The following CLEC17A variants were observed in gnomAD, a reference collection of about 807,000 sequenced individuals.
The protein encoded by CLEC17A is C-type lectin domain containing 17A.
CLEC17A carries 37 observed loss-of-function variants against 61.3 expected under a neutral mutation model. That is an observed-to-expected ratio of 0.60 (90% CI 0.46 to 0.79). The LOEUF is 0.79. CLEC17A is among the 30% of genes least tolerant of loss of function. The pLI, the probability that CLEC17A is intolerant of heterozygous loss-of-function variation, is 0.00. For synonymous variants in CLEC17A, 168 were observed against 164.9 expected, an observed-to-expected ratio of 1.02 and a Z score of -0.14; for missense variants, 418 against 464.7, an observed-to-expected ratio of 0.90 and a Z score of 0.92.
chr19:14,598,543 A>G (rs992075759), intron 10 of CLEC17A, among the ~76,000 whole-genome samples: 2 of 151,608 alleles, frequency 1.3e-5, no homozygotes, highest in Non-Finnish European at 2.9e-5. Context: ...GCGCGATCTC[A>G]GCTCACTGCA....
intron 3 of CLEC17A, among the ~76,000 whole-genome samples, chr19:14,590,862 AT>A (rs74183400): frequency 3.6e-3 from 488 of 135,168 alleles, no homozygotes; most frequent in East Asian, 0.014. Context: ...GTTTTTTCTA[AT>A]TTTTTTTTTT....
chr19:14,606,691 A>T (rs1244105499), intron 12 of CLEC17A, among the ~76,000 whole-genome samples: 1 of 151,946 alleles, frequency 6.6e-6, no homozygotes, highest in Non-Finnish European at 1.5e-5. Flanking sequence ...AAAAAAAAAA[A>T]AAAAAAGTTA....
chr19:14,595,450 G>A, intron 8 of CLEC17A, 135 bp downstream of exon 8: 1 of 922,056 alleles, frequency 1.1e-6, no homozygotes, highest in Non-Finnish European at 1.7e-6. Context: ...GCACTGTTCT[G>A]AGTTAGTCTA....
intron 8 of CLEC17A, 123 bp downstream of exon 8, chr19:14,595,438 C>A: frequency 1.9e-6 from 2 of 1,028,616 alleles, no homozygotes; most frequent in Non-Finnish European, 1.5e-6. Flanking sequence ...TCAGGACCTG[C>A]TGCACTGTTC....
At chr19:14,605,192 G>A (rs1303170030) in intron 12 of CLEC17A, among the ~76,000 whole-genome samples, 1 of 151,952 alleles carries the variant, frequency 6.6e-6, no homozygotes, top group Non-Finnish European at 1.5e-5. Flanking sequence ...CCACCTCCTG[G>A]TTTCAAGCAA....
intron 8 of CLEC17A, 21 bp downstream of exon 8, chr19:14,595,336 CCT>C: frequency 6.2e-7 from 1 of 1,613,536 alleles, no homozygotes; most frequent in South Asian, 1.1e-5. Flanking sequence ...TCCCATTTCC[CCT>C]CTGACAGTGG....
At chr19:14,591,407 G>T (rs1355891190) in intron 3 of CLEC17A, among the ~76,000 whole-genome samples, 1 of 151,370 alleles carries the variant, frequency 6.6e-6, no homozygotes, top group Non-Finnish European at 1.5e-5. Flanking sequence ...GACTGCCTCA[G>T]TCTCCCAAAG....
chr19:14,599,966 A>C lies in CLEC17A; in HGVS notation c.743-65A>C, dbSNP rs922243664. On this transcript the variant is annotated intron_variant, in intron 11 of 13. Coordinates refer to ENST00000417570, the MANE Select transcript of CLEC17A (RefSeq NM_001204118.2). ...CAGTGTACAGCCTGCACAACTGTACATGGCATACTATGTACATGGCTCAGG... is the reference window on the plus strand; with the variant it reads ...CAGTGTACAGCCTGCACAACTGTACCTGGCATACTATGTACATGGCTCAGG... The C allele has an allele frequency of 5.0e-6, 8 of 1,589,386 alleles. No homozygotes were observed. In the African/African-American group the frequency reaches 8.0e-5, roughly 16 times the overall value.
At chr19:14,606,060 T>C (rs1014729247) in intron 12 of CLEC17A, among the ~76,000 whole-genome samples, 4 of 152,066 alleles carry the variant, frequency 2.6e-5, no homozygotes, top group Admixed American at 2.6e-4. Context: ...ATACCAAAGC[T>C]AGGAAACCTA....
intron 8 of CLEC17A, among the ~76,000 whole-genome samples, chr19:14,595,749 G>C (rs1234201523): frequency 1.3e-5 from 2 of 152,072 alleles, no homozygotes; most frequent in Non-Finnish European, 2.9e-5. Context: ...GATAGTGATG[G>C]TGTTGTTGGT....
chr19:14,606,685 A>G (rs2074883132), intron 12 of CLEC17A, among the ~76,000 whole-genome samples: 1 of 151,910 alleles, frequency 6.6e-6, no homozygotes, highest in African/African-American at 2.4e-5. Context: ...CTCTCAAAAA[A>G]AAAAAAAAAA....
chr19:14,611,935 C>T lies in CLEC17A; in HGVS notation c.*1739C>T, dbSNP rs1288575320. 2.6e-5 allele frequency among the ~76,000 whole-genome samples: 4 copies of T among 152,114 alleles called. No homozygotes were observed. Among genetic ancestry groups the T allele is most frequent in the South Asian group, 2.1e-4 (1 of 4,830 alleles). ...ACGAGAATTGCTTGAACCCAGGAGG[C>T]GGAGGTTGCAGTGAGCCGAGATTGT... On this transcript the variant is annotated 3_prime_UTR_variant, in exon 14 of 14. Coordinates refer to ENST00000417570, the MANE Select transcript of CLEC17A (RefSeq NM_001204118.2).
chr19:14,607,782 G>A (rs2074937811), intron 13 of CLEC17A, among the ~76,000 whole-genome samples: 1 of 150,928 alleles, frequency 6.6e-6, no homozygotes, highest in Non-Finnish European at 1.5e-5. Context: ...CACCATGTTG[G>A]CCAGGCTGGT....
intron 2 of CLEC17A, among the ~76,000 whole-genome samples, chr19:14,586,891 CTT>C (rs1056065617): frequency 0.032 from 3,881 of 121,612 alleles, 177 homozygotes; most frequent in African/African-American, 0.16. Flanking sequence ...TTCTTTCTTT[CTT>C]TTTTTTTTTT....
chr19:14,606,794 A>G (rs1185884935), intron 12 of CLEC17A, among the ~76,000 whole-genome samples, 199 bp from the exon 13 acceptor site: 2 of 152,202 alleles, frequency 1.3e-5, no homozygotes, highest in East Asian at 3.8e-4. Context: ...TGCATGAGAA[A>G]AAGTAGCACG....
At position 14,610,284 on chromosome 19, in the gene CLEC17A, G is replaced by C; in HGVS notation, c.*88G>C. 6.6e-7 allele frequency: 1 copy of C among 1,505,838 alleles called. No homozygotes were observed. The highest frequency in any genetic ancestry group is 2.0e-5 in the Admixed American group (1 of 49,466). The allele number at this position is 1,505,838 out of a possible 1,614,324, so 93.3% of individuals were successfully genotyped here. A position where few individuals can be genotyped will look rare whatever the true frequency, so the allele number is the denominator to read the frequency against. On this transcript the variant is annotated 3_prime_UTR_variant, in exon 14 of 14. Transcript: ENST00000417570. ...CTTTCGTGGACGGCCTTGCCTCTTC[G>C]TGAGTGGACACACAGATGTGCCTCA...
chr19:14,594,844 C>T, intron 7 of CLEC17A, 44 bp downstream of exon 7: 2 of 1,550,984 alleles, frequency 1.3e-6, no homozygotes, highest in Non-Finnish European at 1.8e-6. Flanking sequence ...GAGGGGATAC[C>T]TGGATGTTTC....
Position 14,599,761 on chromosome 19 carries a change from C to T in CLEC17A, c.691C>T (p.Arg231Cys), listed in dbSNP as rs375201326. The part of the protein sequence containing the change: ...GLAGLKHDIA[R>C]VRADTNQSLV... ...AGCTGGCCTGAAGCATGACATTGCCCGTGTAAGAGCTGACACCAACCAGTC... is the reference window on the plus strand; with the variant it reads ...AGCTGGCCTGAAGCATGACATTGCCTGTGTAAGAGCTGACACCAACCAGTC... The change falls in exon 11 of 14, where the codon CGT becomes TGT. Residue 231 changes from arginine to cysteine, a missense_variant. Physicochemically the swap from Arg to Cys is radical, Grantham distance 180. Transcript: ENST00000417570. The T allele has an allele frequency of 3.7e-6, 6 of 1,613,882 alleles. No homozygotes were observed. Among genetic ancestry groups the T allele is most frequent in the East Asian group, 2.2e-5 (1 of 44,876 alleles).
Position 14,594,774 on chromosome 19 carries a change from C to T in CLEC17A, c.377C>T (p.Ala126Val). The part of the protein sequence containing the change: ...PRNMTGLDLA[A>V]VTCPPPQLAV... ...TCTCTTCTAGGCCTGGACCTCGCCG[C>T]TGTCACCTGTCCACCTCCTCAACTG... Residue 126 changes from alanine (A) to valine (V), a missense_variant, in exon 7 of 14, where the codon GCT becomes GTT. By Grantham distance (64) the Ala-to-Val change is moderately conservative (BLOSUM62 0). Coordinates refer to ENST00000417570, the MANE Select transcript of CLEC17A (RefSeq NM_001204118.2). The T allele has an allele frequency of 1.9e-6, 3 of 1,613,942 alleles. No homozygotes were observed. The highest frequency in any genetic ancestry group is 2.5e-6 in the Non-Finnish European group (3 of 1,179,870).
Sources: allele counts gnomAD v4.1 joint callset (sites outside exome capture counted in the v4.1 genomes callset), GRCh38; gene constraint gnomAD v4.1.1; transcripts MANE v1.5; gene names NCBI Gene and HGNC (gene_info 2026-07-23, HGNC 2026-07-21).